The following B3GALT1 variants were observed in gnomAD, a reference collection of about 807,000 sequenced individuals.
B3GALT1 encodes beta-1,3-galactosyltransferase 1, also known as UDP-Gal:betaGlcNAc beta 1,3-galactosyltransferase, polypeptide 1.
B3GALT1 carries 10 observed loss-of-function variants against 23.2 expected under a neutral mutation model. The ratio of observed to expected loss-of-function variants is 0.43; its 90% CI spans 0.27 to 0.73. The LOEUF is 0.73. Ranked by LOEUF, B3GALT1 falls within the 30% of genes least tolerant of loss-of-function variation. The pLI is 0.21. For synonymous variants in B3GALT1, 156 were observed against 141.5 expected (o/e 1.10, Z -0.73); for missense variants, 299 against 405.4 (o/e 0.74, Z 2.25).
intron 3 of B3GALT1, among the ~76,000 whole-genome samples, chr2:167,779,013 A>T (rs548599180): frequency 6.6e-6 from 1 of 152,344 alleles, no homozygotes; most frequent in East Asian, 1.9e-4. Flanking sequence ...ATTAACAATG[A>T]CATTGAATGC....
At chr2:167,377,751 AG>A (rs1272406215) in intron 1 of B3GALT1, among the ~76,000 whole-genome samples, 2 of 152,088 alleles carry the variant, frequency 1.3e-5, no homozygotes, top group Non-Finnish European at 2.9e-5. Context: ...GACAGCAGAC[AG>A]GTAAGTCTTG....
chr2:167,589,492 A>G (rs1274983923), intron 2 of B3GALT1, among the ~76,000 whole-genome samples: 1 of 152,180 alleles, frequency 6.6e-6, no homozygotes, highest in Admixed American at 6.5e-5. Flanking sequence ...ACAAGGTGTA[A>G]GGTAAAGATT....
intron 1 of B3GALT1, among the ~76,000 whole-genome samples, chr2:167,339,856 A>G (rs1697119636): frequency 6.6e-6 from 1 of 152,202 alleles, no homozygotes; most frequent in African/African-American, 2.4e-5. Context: ...AGGGGCAGTT[A>G]CTCAATCTCC....
intron 2 of B3GALT1, among the ~76,000 whole-genome samples, chr2:167,587,661 A>T (rs1473818036): frequency 6.6e-6 from 1 of 152,198 alleles, no homozygotes; most frequent in Non-Finnish European, 1.5e-5. Context: ...ACTTCACAAG[A>T]TATGGCACAT....
intron 3 of B3GALT1, among the ~76,000 whole-genome samples, chr2:167,684,050 G>A (rs1363546069): frequency 3.3e-5 from 5 of 152,024 alleles, no homozygotes; most frequent in Admixed American, 6.5e-5. Flanking sequence ...TAGGTTAATC[G>A]ACACCCTCTG....
intron 3 of B3GALT1, among the ~76,000 whole-genome samples, chr2:167,750,415 T>C (rs1687717075): frequency 6.6e-6 from 1 of 152,184 alleles, no homozygotes; most frequent in Non-Finnish European, 1.5e-5. Context: ...ATCTCAAGCT[T>C]GCTCCTCTCT....
At chr2:167,308,450 A>G (rs1282030055) in intron 1 of B3GALT1, among the ~76,000 whole-genome samples, 20 of 152,008 alleles carry the variant, frequency 1.3e-4, no homozygotes, top group Non-Finnish European at 2.9e-5. Flanking sequence ...ATCTTCTGTC[A>G]TATACTTTAC....
intron 2 of B3GALT1, among the ~76,000 whole-genome samples, chr2:167,501,963 A>G (rs768664030): frequency 1.3e-5 from 2 of 152,182 alleles, no homozygotes; most frequent in African/African-American, 4.8e-5. Flanking sequence ...TGTTTTAAGC[A>G]TATTAGTGAA....
chr2:167,342,331 T>C (rs1559070301), intron 1 of B3GALT1, among the ~76,000 whole-genome samples: 3 of 152,224 alleles, frequency 2.0e-5, no homozygotes, highest in Non-Finnish European at 4.4e-5. Context: ...CTCACGCCTG[T>C]AATCCTAGCA....
At chr2:167,530,546 C>T (rs1048046493) in intron 2 of B3GALT1, among the ~76,000 whole-genome samples, 1 of 152,144 alleles carries the variant, frequency 6.6e-6, no homozygotes, top group African/African-American at 2.4e-5. Context: ...CTGGATTGGA[C>T]TGAATAATCC....
Position 167,867,508 on chromosome 2 carries a change from G to A in B3GALT1, c.-229-1303G>A, listed in dbSNP as rs1264019021. Among the ~76,000 whole-genome samples, 4 of 152,062 alleles carry A rather than the reference G, an allele frequency of 2.6e-5. No homozygotes were observed. The East Asian group carries it at 7.7e-4, about 29-fold the overall frequency. ...CACTGAGTTATTGCTGGTCTCATAT[G>A]GATCATATATTCACAGTCAGCTCTT... On this transcript the variant is annotated intron_variant, in intron 4 of 4. Coordinates refer to ENST00000392690, the MANE Select transcript of B3GALT1 (RefSeq NM_020981.4).
At chr2:167,479,233 G>A (rs957840029) in intron 1 of B3GALT1, among the ~76,000 whole-genome samples, 4 of 151,908 alleles carry the variant, frequency 2.6e-5, no homozygotes, top group African/African-American at 7.3e-5. Flanking sequence ...TAAATGAGGT[G>A]GTACAGGCAA....
At chr2:167,767,326 C>T (rs1050442849) in intron 3 of B3GALT1, among the ~76,000 whole-genome samples, 1 of 152,176 alleles carries the variant, frequency 6.6e-6, no homozygotes, top group Non-Finnish European at 1.5e-5. Context: ...AATGAGTTAT[C>T]CATTTGTAAA....
At chr2:167,409,927 G>A (rs897352932) in intron 1 of B3GALT1, among the ~76,000 whole-genome samples, 2 of 151,958 alleles carry the variant, frequency 1.3e-5, no homozygotes, top group Non-Finnish European at 2.9e-5. Flanking sequence ...CCGTTACTGG[G>A]TATATACCCA....
chr2:167,812,962 C>G (rs562841902), intron 3 of B3GALT1, among the ~76,000 whole-genome samples: 1 of 144,290 alleles, frequency 6.9e-6, no homozygotes, highest in Non-Finnish European at 1.5e-5. Flanking sequence ...TACATGCATA[C>G]ACACACACAC....
intron 3 of B3GALT1, among the ~76,000 whole-genome samples, chr2:167,768,964 A>G (rs1231584280): frequency 6.6e-6 from 1 of 152,226 alleles, no homozygotes; most frequent in African/African-American, 2.4e-5. Context: ...GCTTAAGAGG[A>G]TCCTAGTCAT....
At chr2:167,503,262 C>T (rs957033037) in intron 2 of B3GALT1, among the ~76,000 whole-genome samples, 1 of 151,984 alleles carries the variant, frequency 6.6e-6, no homozygotes, top group Admixed American at 6.6e-5. Context: ...AGTGAATATA[C>T]CTGACAGGTA....
intron 2 of B3GALT1, among the ~76,000 whole-genome samples, chr2:167,588,201 C>T (rs1007860311): frequency 6.6e-6 from 1 of 151,984 alleles, no homozygotes; most frequent in African/African-American, 2.4e-5. Context: ...GGCTTCTAGT[C>T]GAAACATATG....
intron 2 of B3GALT1, among the ~76,000 whole-genome samples, chr2:167,568,345 C>T (rs1449220670): frequency 1.3e-5 from 2 of 152,078 alleles, no homozygotes; most frequent in Non-Finnish European, 2.9e-5. Context: ...TACCATTCTG[C>T]ATTCCCAGTA....
Sources: allele counts gnomAD v4.1 joint callset (sites outside exome capture counted in the v4.1 genomes callset), GRCh38; gene constraint gnomAD v4.1.1; transcripts MANE v1.5; gene names NCBI Gene and HGNC (gene_info 2026-07-23, HGNC 2026-07-21).